LIN54: variants seen among roughly 807,000 people sequenced by gnomAD.
The protein encoded by LIN54 is protein lin-54 homolog.
A neutral mutation model predicts 78.7 loss-of-function variants in LIN54; 9 were observed. The observed-to-expected ratio is 0.11, with a 90% CI of 0.07 to 0.20. LIN54 has a LOEUF of 0.20. Ranked by LOEUF, LIN54 falls within the 10% of genes least tolerant of loss-of-function variation. The pLI, the probability that LIN54 is intolerant of heterozygous loss-of-function variation, is 1.00. For synonymous variants in LIN54, 269 were observed against 318.4 expected, an observed-to-expected ratio of 0.84 and a Z score of 1.65; for missense variants, 573 against 889.9, an observed-to-expected ratio of 0.64 and a Z score of 4.53.
chr4:83,008,025 T>C (rs1047937774), intron 1 of LIN54, among the ~76,000 whole-genome samples: 1 of 152,184 alleles, frequency 6.6e-6, no homozygotes, highest in Non-Finnish European at 1.5e-5. Context: ...CTGTAACCAA[T>C]TGTGTCTAAA....
Position 82,985,830 on chromosome 4 carries a change from C to T in LIN54, c.-32-954G>A, listed in dbSNP as rs141545033. ...TACTGGGATTACAGGCGTGAGCCAC[C>T]GTGCCTGGCCATCCTCCGCCATTTA... On this transcript the variant is annotated intron_variant, in intron 1 of 12. Transcript: ENST00000340417. Among the ~76,000 whole-genome samples the T allele has an allele frequency of 1.1e-3, 170 of 152,230 alleles. 2 individuals carry two copies. The highest frequency in any genetic ancestry group is 6.2e-3 in the East Asian group (32 of 5,180).
At chr4:82,950,258 C>T (rs1723751703) in intron 4 of LIN54, among the ~76,000 whole-genome samples, 1 of 152,124 alleles carries the variant, frequency 6.6e-6, no homozygotes, top group Non-Finnish European at 1.5e-5. Flanking sequence ...TAATCAACAC[C>T]ACCATGAAGA....
upstream of LIN54, chr4:83,012,783 G>C (rs977588483): frequency 4.0e-5 from 6 of 151,258 alleles, no homozygotes; most frequent in African/African-American, 1.5e-4. Context: ...CCCGGGGGCT[G>C]ACACTCACCA....
intron 1 of LIN54, among the ~76,000 whole-genome samples, chr4:82,988,535 C>A (rs919664896): frequency 4.6e-5 from 7 of 152,138 alleles, no homozygotes; most frequent in African/African-American, 1.7e-4. Flanking sequence ...TTTTTCATTT[C>A]TTTTGAGTAA....
At chr4:82,932,102 T>C (rs1200739027) in intron 11 of LIN54, among the ~76,000 whole-genome samples, 2 of 148,214 alleles carry the variant, frequency 1.3e-5, no homozygotes, top group African/African-American at 2.5e-5. Flanking sequence ...ATTTTTTTTT[T>C]TTTTTTTTTT....
intron 1 of LIN54, among the ~76,000 whole-genome samples, chr4:83,001,927 G>A (rs868854395): frequency 7.2e-4 from 3 of 4,162 alleles, no homozygotes; most frequent in African/African-American, 1.7e-3. Flanking sequence ...GGGAGGGAGG[G>A]AGGGAAGGAA....
intron 1 of LIN54, among the ~76,000 whole-genome samples, chr4:83,004,413 A>AAAAGAAAG (rs1034315520): frequency 6.7e-6 from 1 of 149,850 alleles, no homozygotes; most frequent in African/African-American, 2.5e-5. Context: ...AAAAAAAAAA[A>AAAAGAAAG]AAAGAAAGAA....
intron 2 of LIN54, among the ~76,000 whole-genome samples, chr4:82,981,390 C>T (rs1401775465): frequency 6.6e-6 from 1 of 152,062 alleles, no homozygotes; most frequent in Non-Finnish European, 1.5e-5. Context: ...CTTCATTTTT[C>T]AAGATGGCCT....
At chr4:83,000,090 C>A (rs1194843774) in intron 1 of LIN54, among the ~76,000 whole-genome samples, 1 of 151,834 alleles carries the variant, frequency 6.6e-6, no homozygotes, top group Non-Finnish European at 1.5e-5. Flanking sequence ...GATAGGGTCT[C>A]ATTACGTTGC....
intron 12 of LIN54, among the ~76,000 whole-genome samples, chr4:82,928,954 A>G (rs1444961250): frequency 1.3e-5 from 2 of 152,256 alleles, no homozygotes; most frequent in African/African-American, 4.8e-5. Context: ...GAGGCTTGCT[A>G]TATTTGCAGC....
At chr4:82,943,890 A>G (rs894726424) in intron 5 of LIN54, among the ~76,000 whole-genome samples, 7 of 138,082 alleles carry the variant, frequency 5.1e-5, no homozygotes, top group Non-Finnish European at 9.0e-5. Context: ...TTTTTTTGAG[A>G]CAGAGTCTCA....
chr4:82,934,226 C>CT (rs1722203913), intron 11 of LIN54, among the ~76,000 whole-genome samples: 1 of 152,108 alleles, frequency 6.6e-6, no homozygotes. Context: ...TGGTGAAACC[C>CT]TGTCTCTACT....
intron 1 of LIN54, among the ~76,000 whole-genome samples, chr4:83,008,478 G>A (rs568868243): frequency 6.6e-6 from 1 of 152,044 alleles, no homozygotes; most frequent in Non-Finnish European, 1.5e-5. Flanking sequence ...GTGAAACCCC[G>A]TCTCTACTAA....
intron 4 of LIN54, among the ~76,000 whole-genome samples, chr4:82,965,075 T>C (rs1329916403): frequency 1.3e-5 from 2 of 152,304 alleles, no homozygotes; most frequent in East Asian, 1.9e-4. Context: ...GTATTTCTTG[T>C]ATTTCTGAGA....
At chr4:82,928,510 G>A (rs1024657230) in intron 12 of LIN54, among the ~76,000 whole-genome samples, 6 of 152,188 alleles carry the variant, frequency 3.9e-5, no homozygotes, top group Admixed American at 3.9e-4. Flanking sequence ...TAAGAATATT[G>A]TTCAGGAAAT....
At chr4:82,935,694 T>C (rs568187882) in intron 11 of LIN54, among the ~76,000 whole-genome samples, 58 of 152,202 alleles carry the variant, frequency 3.8e-4, no homozygotes, top group African/African-American at 1.3e-3. Flanking sequence ...TTATTGAAAA[T>C]CAATATATTG....
At chr4:82,985,982 CCAATA>C (rs1727098517) in intron 1 of LIN54, among the ~76,000 whole-genome samples, 1 of 152,162 alleles carries the variant, frequency 6.6e-6, no homozygotes, top group Non-Finnish European at 1.5e-5. Flanking sequence ...TGTAGAACTT[CCAATA>C]AAGGAATCAA....
At chr4:82,972,076 C>T (rs546207797) in intron 3 of LIN54, among the ~76,000 whole-genome samples, 67 of 152,230 alleles carry the variant, frequency 4.4e-4, no homozygotes, top group African/African-American at 1.5e-3. Flanking sequence ...TGTTTTGAGA[C>T]AGGGGTCTCC....
intron 4 of LIN54, among the ~76,000 whole-genome samples, chr4:82,951,984 G>T (rs1723880157): frequency 6.6e-6 from 1 of 152,002 alleles, no homozygotes; most frequent in Non-Finnish European, 1.5e-5. Flanking sequence ...ACTCAAAAGA[G>T]ATCCATGACC....
Sources: gnomAD v4.1 joint callset for allele counts (sites outside exome capture counted in the v4.1 genomes callset) on GRCh38, gnomAD v4.1.1 for gene constraint, MANE v1.5 for transcripts, NCBI Gene and HGNC (gene_info 2026-07-23, HGNC 2026-07-21) for gene names.